Variants in CTBP2 observed in about 807,000 individuals in gnomAD.
CTBP2 encodes C-terminal-binding protein 2.
A neutral mutation model predicts 80.3 loss-of-function variants in CTBP2; 30 were observed. That is an observed-to-expected ratio of 0.37 (90% CI 0.28 to 0.51). The LOEUF is 0.51. Ranked by LOEUF, CTBP2 falls within the 20% of genes least tolerant of loss-of-function variation. The probability of loss-of-function intolerance (pLI) is 0.93; values close to 1 mark genes in which losing one functional copy is unlikely to be tolerated. For missense variants in CTBP2, 1,212 were observed against 1,375.3 expected, an observed-to-expected ratio of 0.88 and a Z score of 1.88; for synonymous variants, 594 against 587.4, an observed-to-expected ratio of 1.01 and a Z score of -0.16.
intron 1 of CTBP2, among the ~76,000 whole-genome samples, chr10:125,021,914 G>A (rs113412612): frequency 1.4e-4 from 21 of 152,370 alleles, no homozygotes; most frequent in African/African-American, 4.8e-4. Flanking sequence ...TTGGAAGGGA[G>A]GCCATGCCGA....
At chr10:125,070,036 A>G (rs371094197) in intron 2 of CTBP2, among the ~76,000 whole-genome samples, 2 of 151,898 alleles carry the variant, frequency 1.3e-5, no homozygotes, top group Admixed American at 1.3e-4. Context: ...ATATATATAT[A>G]TGGGTCATTA....
At chr10:125,075,172 T>A (rs1846094311) in intron 2 of CTBP2, among the ~76,000 whole-genome samples, 1 of 152,084 alleles carries the variant, frequency 6.6e-6, no homozygotes, top group African/African-American at 2.4e-5. Context: ...CAATACAAAG[T>A]AAGAACATAT....
rs368673551 is a variant in CTBP2, at chr10:125,066,141, C to T, written c.-101-26986G>A. On this transcript the variant is annotated intron_variant, in intron 2 of 10. Coordinates refer to the CTBP2 transcript ENST00000337195. This position sits in a 1 kb window ranked among gnomAD's most constrained non-coding sequence, Gnocchi z 4.1. Reference sequence around the variant, plus strand: ...TAATGCTCAGGCTGATGTCCTAACACCCAGGACAACGTCTGAGTGACCAGT... The same window carrying T: ...TAATGCTCAGGCTGATGTCCTAACATCCAGGACAACGTCTGAGTGACCAGT... Among the ~76,000 whole-genome samples the T allele has an allele frequency of 3.3e-5, 5 of 151,938 alleles. No individual in the cohort carries two copies. The South Asian group carries it at 8.3e-4, about 25-fold the overall frequency.
chr10:125,007,741 T>G (rs985574007), intron 1 of CTBP2, among the ~76,000 whole-genome samples: 1 of 152,200 alleles, frequency 6.6e-6, no homozygotes, highest in African/African-American at 2.4e-5. Context: ...AGACCCATTT[T>G]CCAGTCTTCC....
At chr10:125,028,253 C>A (rs1217887073), upstream of CTBP2, among the ~76,000 whole-genome samples, 1 of 152,178 alleles carries the variant, frequency 6.6e-6, no homozygotes, top group Non-Finnish European at 1.5e-5. Context: ...TTCCAAGCAC[C>A]AGGGTACTTT....
intron 2 of CTBP2, among the ~76,000 whole-genome samples, chr10:125,068,596 C>T (rs1431771672): frequency 6.6e-6 from 1 of 152,162 alleles, no homozygotes. Flanking sequence ...TATACCACAC[C>T]ACAGATGCTG....
intron 2 of CTBP2, among the ~76,000 whole-genome samples, chr10:125,092,745 G>A (rs2135707409): frequency 6.6e-6 from 1 of 152,322 alleles, no homozygotes. Context: ...ATAAGCCCAT[G>A]TTGGGCCACA....
chr10:125,089,923 T>C (rs1175927458), intron 2 of CTBP2, among the ~76,000 whole-genome samples: 4 of 152,202 alleles, frequency 2.6e-5, no homozygotes, highest in South Asian at 2.1e-4. Context: ...ACACTGATGT[T>C]GTCCTTGGGA....
intron 1 of CTBP2, among the ~76,000 whole-genome samples, chr10:125,157,153 A>G (rs1201406313): frequency 1.3e-5 from 2 of 152,240 alleles, no homozygotes; most frequent in African/African-American, 4.8e-5. Flanking sequence ...CACGGAATTG[A>G]TGATTCAGTT....
intron 3 of CTBP2, among the ~76,000 whole-genome samples, chr10:125,036,777 GTA>G (rs1378324095): frequency 6.6e-6 from 1 of 151,692 alleles, no homozygotes; most frequent in Non-Finnish European, 1.5e-5. Flanking sequence ...CAACAAGCTG[GTA>G]TGAGAGAAGG....
In CTBP2 at chr10:124,984,726, T is replaced by C. The variant is rs370876248; in HGVS notation, c.*4792A>G. ...TTCCATGTCACATTCCTACCAAGTC[T>C]CTGATCTGTTGTATGATTTTCCCTT... On this transcript the variant is annotated 3_prime_UTR_variant, in exon 9 of 9. Coordinates refer to ENST00000309035, the MANE Select transcript of CTBP2 (RefSeq NM_022802.3). 1.1e-5 allele frequency: 18 copies of C among 1,573,778 alleles called. No individual in the cohort carries two copies. In the Middle Eastern group the frequency reaches 5.8e-4, roughly 51 times the overall value.
chr10:125,042,445 A>C (rs942893176), intron 2 of CTBP2, among the ~76,000 whole-genome samples: 1 of 152,178 alleles, frequency 6.6e-6, no homozygotes, highest in East Asian at 1.9e-4. Flanking sequence ...CCTAAACACC[A>C]AACAATACGG....
chr10:125,031,959 T>C (rs1419106997), upstream of CTBP2, among the ~76,000 whole-genome samples: 1 of 152,196 alleles, frequency 6.6e-6, no homozygotes, highest in Non-Finnish European at 1.5e-5. Flanking sequence ...AACAAAGGCC[T>C]GCACATTGCT....
chr10:125,129,303 G>T (rs1037048563), intron 1 of CTBP2, among the ~76,000 whole-genome samples: 4 of 152,074 alleles, frequency 2.6e-5, no homozygotes, highest in African/African-American at 9.7e-5. Flanking sequence ...TAGGGCTTTG[G>T]GGGGTACGCA....
intron 1 of CTBP2, among the ~76,000 whole-genome samples, chr10:125,115,614 T>C (rs1853116202): frequency 6.6e-6 from 1 of 152,170 alleles, no homozygotes; most frequent in African/African-American, 2.4e-5. Flanking sequence ...CTGTGTGTCA[T>C]CATCAGACTC....
chr10:125,156,052 C>T (rs10901870), intron 1 of CTBP2, among the ~76,000 whole-genome samples: 35,414 of 152,024 alleles, frequency 0.23, 4,235 homozygotes, highest in South Asian at 0.34. Context: ...CCATTAAGTA[C>T]AAATACTTCT....
chr10:125,000,819 A>G (rs933897219), intron 3 of CTBP2: 2 of 152,312 alleles, frequency 1.3e-5, no homozygotes, highest in Non-Finnish European at 2.9e-5. Context: ...CCCTCAGCAC[A>G]AAAGGCCCGT....
intron 1 of CTBP2, among the ~76,000 whole-genome samples, chr10:125,025,010 G>A (rs764707734): frequency 2.0e-5 from 3 of 152,124 alleles, no homozygotes; most frequent in African/African-American, 4.8e-5. Flanking sequence ...GCCACACAGC[G>A]ATGGCAGAGA....
chr10:125,121,375 A>G (rs1186297500), intron 1 of CTBP2, among the ~76,000 whole-genome samples: 1 of 152,258 alleles, frequency 6.6e-6, no homozygotes, highest in Non-Finnish European at 1.5e-5. Context: ...CCTGGAAAGA[A>G]AAGAGGCCTG....
Sources: gnomAD v4.1 joint callset for allele counts (sites outside exome capture counted in the v4.1 genomes callset) on GRCh38, gnomAD v4.1.1 for gene constraint, Gnocchi (gnomAD v3.1) non-coding constraint, MANE v1.5 for transcripts, NCBI Gene and HGNC (gene_info 2026-07-23, HGNC 2026-07-21) for gene names.